LRRC4C: variants seen among roughly 807,000 people sequenced by gnomAD.
LRRC4C encodes the protein leucine rich repeat containing 4C.
A neutral mutation model predicts 33.6 loss-of-function variants in LRRC4C; 5 were observed. That is an observed-to-expected ratio of 0.15 (90% confidence interval 0.08 to 0.31). The LOEUF is 0.31. LRRC4C is among the 10% of genes least tolerant of loss of function. The probability of loss-of-function intolerance (pLI) is 1.00; values close to 1 mark genes in which losing one functional copy is unlikely to be tolerated. For missense variants in LRRC4C, 560 were observed against 796.7 expected, an observed-to-expected ratio of 0.70 and a Z score of 3.58; for synonymous variants, 329 against 302.0, an observed-to-expected ratio of 1.09 and a Z score of -0.93.
intron 1 of LRRC4C, among the ~76,000 whole-genome samples, chr11:41,233,065 T>A (rs1947870214): frequency 6.6e-6 from 1 of 152,114 alleles, no homozygotes; most frequent in African/African-American, 2.4e-5. Flanking sequence ...ACCATTATAT[T>A]TCTTAATTGC....
chr11:40,824,897 A>G (rs1297696328), intron 2 of LRRC4C, among the ~76,000 whole-genome samples: 8 of 151,920 alleles, frequency 5.3e-5, no homozygotes, highest in Non-Finnish European at 1.0e-4. Context: ...TAATATAAAA[A>G]TGCGGCTGTC....
At chr11:40,307,910 A>G (rs1313847488) in intron 4 of LRRC4C, among the ~76,000 whole-genome samples, 1 of 152,218 alleles carries the variant, frequency 6.6e-6, no homozygotes, top group African/African-American at 2.4e-5. Flanking sequence ...TTATTCATGC[A>G]ACTGCCTTAA....
intron 5 of LRRC4C, among the ~76,000 whole-genome samples, chr11:40,231,278 C>T (rs113337281): frequency 1.8e-4 from 27 of 152,136 alleles, no homozygotes; most frequent in African/African-American, 6.3e-4. Flanking sequence ...CTCCCCAGGA[C>T]AGAAATAAAG....
rs188326491 is a variant in LRRC4C, at chr11:40,487,074, T to C, written c.-270+161068A>G. On this transcript the variant is annotated intron_variant, in intron 3 of 6. Coordinates refer to ENST00000528697, the MANE Select transcript of LRRC4C (RefSeq NM_001258419.2). ...AAGTCTGTTAACTTATTTCTCTTTA[T>C]TTTCTGTGTGTGAGTTGGACTACGA... 7.2e-4 allele frequency among the ~76,000 whole-genome samples: 110 copies of C among 152,210 alleles called. 1 individual carries two copies. Among genetic ancestry groups the C allele is most frequent in the African/African-American group, 2.6e-3 (110 of 41,570 alleles).
intron 1 of LRRC4C, among the ~76,000 whole-genome samples, chr11:41,164,676 T>A (rs1273374958): frequency 6.6e-6 from 1 of 152,084 alleles, no homozygotes; most frequent in Non-Finnish European, 1.5e-5. Context: ...ATTTTTCAAC[T>A]CCATTATAAT....
intron 3 of LRRC4C, among the ~76,000 whole-genome samples, chr11:40,323,389 A>G (rs1388247551): frequency 6.6e-6 from 1 of 152,238 alleles, no homozygotes; most frequent in Admixed American, 6.5e-5. Flanking sequence ...AATGTGAATT[A>G]TGGCGCTTTG....
chr11:40,396,069 A>T (rs1247154227), intron 3 of LRRC4C, among the ~76,000 whole-genome samples: 1 of 152,108 alleles, frequency 6.6e-6, no homozygotes, highest in Non-Finnish European at 1.5e-5. Context: ...GGGCCCAGGG[A>T]TGTGGATGCA....
At chr11:41,056,833 G>A (rs143230174) in intron 1 of LRRC4C, among the ~76,000 whole-genome samples, 117 of 152,330 alleles carry the variant, frequency 7.7e-4, no homozygotes, top group African/African-American at 2.8e-3. Flanking sequence ...GGGCCATCTG[G>A]AGCAGCCACT....
intron 3 of LRRC4C, among the ~76,000 whole-genome samples, chr11:40,639,868 G>A (rs1025192986): frequency 9.9e-5 from 15 of 152,000 alleles, no homozygotes; most frequent in African/African-American, 3.4e-4. Context: ...AGTGATGCAC[G>A]GCCAATGTTA....
At chr11:41,213,962 C>A (rs1036076562) in intron 1 of LRRC4C, among the ~76,000 whole-genome samples, 3 of 152,124 alleles carry the variant, frequency 2.0e-5, no homozygotes, top group Non-Finnish European at 4.4e-5. Flanking sequence ...TTGATTTGAT[C>A]TCATTATAAT....
At chr11:41,249,039 C>CT (rs1454339736) in intron 1 of LRRC4C, among the ~76,000 whole-genome samples, 4,315 of 144,972 alleles carry the variant, frequency 0.03, 212 homozygotes, top group African/African-American at 0.095. Flanking sequence ...ATACTGTCTT[C>CT]TTTTTTTTTT....
At chr11:40,385,709 A>G (rs1380335783) in intron 3 of LRRC4C, among the ~76,000 whole-genome samples, 1 of 151,968 alleles carries the variant, frequency 6.6e-6, no homozygotes, top group Non-Finnish European at 1.5e-5. Context: ...TCTATTAAAA[A>G]TACAAAAATT....
chr11:41,433,741 G>C (rs565788493), intron 1 of LRRC4C, among the ~76,000 whole-genome samples: 1 of 151,846 alleles, frequency 6.6e-6, no homozygotes, highest in African/African-American at 2.4e-5. Context: ...GCTTGCAGAC[G>C]GCCTATTGTG....
At chr11:40,249,043 T>C (rs1235223435) in intron 4 of LRRC4C, among the ~76,000 whole-genome samples, 5 of 151,802 alleles carry the variant, frequency 3.3e-5, no homozygotes, top group African/African-American at 1.2e-4. Context: ...GCAATTATAA[T>C]CTCTTGGTTG....
intron 1 of LRRC4C, among the ~76,000 whole-genome samples, chr11:40,957,521 A>G (rs1192270641): frequency 6.6e-6 from 1 of 151,736 alleles, no homozygotes; most frequent in Non-Finnish European, 1.5e-5. Flanking sequence ...AACTATGTTC[A>G]ACATTACTTA....
At chr11:41,193,068 G>A (rs1268935164) in intron 1 of LRRC4C, among the ~76,000 whole-genome samples, 2 of 152,096 alleles carry the variant, frequency 1.3e-5, no homozygotes, top group Non-Finnish European at 2.9e-5. Flanking sequence ...GGCTTATGAT[G>A]AGGACTGCCC....
At chr11:40,948,656 G>T (rs1358758116) in intron 1 of LRRC4C, among the ~76,000 whole-genome samples, 97 of 147,710 alleles carry the variant, frequency 6.6e-4, no homozygotes, top group African/African-American at 1.6e-3. Context: ...CTGAGAATGA[G>T]GATTTCCAAT....
chr11:40,658,668 C>A (rs1943257246), intron 2 of LRRC4C, among the ~76,000 whole-genome samples: 1 of 152,118 alleles, frequency 6.6e-6, no homozygotes, highest in South Asian at 2.1e-4. Context: ...TGATTTGGTT[C>A]CTCTCTGGGG....
chr11:40,760,872 T>C (rs1054585361), intron 2 of LRRC4C, among the ~76,000 whole-genome samples: 1 of 146,610 alleles, frequency 6.8e-6, no homozygotes, highest in African/African-American at 2.5e-5. Context: ...TGTATGTATA[T>C]TATATATAAT....
Sources: gnomAD v4.1 joint callset for allele counts (sites outside exome capture counted in the v4.1 genomes callset) on GRCh38, gnomAD v4.1.1 for gene constraint, MANE v1.5 for transcripts, NCBI Gene and HGNC (gene_info 2026-07-23, HGNC 2026-07-21) for gene names.